ATRNL1: variants seen among roughly 807,000 people sequenced by gnomAD.
The protein encoded by ATRNL1 is attractin-like protein 1.
In ATRNL1, 95 loss-of-function variants were observed where a neutral mutation model predicts 182.7. The ratio of observed to expected loss-of-function variants is 0.52; its 90% CI spans 0.44 to 0.62. ATRNL1 has a LOEUF of 0.62. Ranked by LOEUF, ATRNL1 falls within the 20% of genes least tolerant of loss-of-function variation. The probability of loss-of-function intolerance (pLI) is 0.00; values close to 1 mark genes in which losing one functional copy is unlikely to be tolerated. For missense variants in ATRNL1, 1,471 were observed against 1,679.5 expected, an observed-to-expected ratio of 0.88 and a Z score of 2.17; for synonymous variants, 576 against 568.3, an observed-to-expected ratio of 1.01 and a Z score of -0.19.
chr10:115,827,338 A>T (rs1565414752), intron 27 of ATRNL1, among the ~76,000 whole-genome samples: 1 of 152,320 alleles, frequency 6.6e-6, no homozygotes, highest in East Asian at 1.9e-4. Context: ...CAGTCATAAC[A>T]TTGGCTTGTG....
chr10:115,232,012 C>T (rs1423654819), intron 9 of ATRNL1, among the ~76,000 whole-genome samples: 2 of 152,158 alleles, frequency 1.3e-5, no homozygotes, highest in Non-Finnish European at 2.9e-5. Flanking sequence ...TTTATATTTT[C>T]TGCCTTACTG....
chr10:115,931,138 GA>G (rs1419427428), intron 28 of ATRNL1, among the ~76,000 whole-genome samples: 1 of 152,176 alleles, frequency 6.6e-6, no homozygotes, highest in East Asian at 1.9e-4. Context: ...GTCTTTTCAA[GA>G]TTTGCTTTTA....
chr10:115,558,630 G>C (rs1283593680), intron 26 of ATRNL1, among the ~76,000 whole-genome samples: 3 of 151,988 alleles, frequency 2.0e-5, no homozygotes, highest in Non-Finnish European at 4.4e-5. Flanking sequence ...CAGGTTCCCT[G>C]CCCCCAAACC....
At chr10:115,830,335 T>C (rs1950532200) in intron 27 of ATRNL1, among the ~76,000 whole-genome samples, 1 of 152,194 alleles carries the variant, frequency 6.6e-6, no homozygotes, top group African/African-American at 2.4e-5. Flanking sequence ...ATGCATCTCT[T>C]CAGTAGAAAT....
intron 27 of ATRNL1, among the ~76,000 whole-genome samples, chr10:115,841,178 TATATA>T (rs1487631592): frequency 6.6e-6 from 1 of 152,084 alleles, no homozygotes. Flanking sequence ...AAAGCATGAT[TATATA>T]ATAGCTCAAG....
At chr10:115,908,790 A>T (rs1952579922) in intron 28 of ATRNL1, among the ~76,000 whole-genome samples, 1 of 152,126 alleles carries the variant, frequency 6.6e-6, no homozygotes, top group Non-Finnish European at 1.5e-5. Flanking sequence ...CTGGTTCCCT[A>T]ATGCACCTTA....
At chr10:115,446,238 T>G (rs1846980186) in intron 21 of ATRNL1, among the ~76,000 whole-genome samples, 1 of 152,080 alleles carries the variant, frequency 6.6e-6, no homozygotes, top group South Asian at 2.1e-4. Flanking sequence ...GATTTTCATC[T>G]CTATTTCTAT....
At chr10:115,145,422 C>T (rs956381735) in intron 5 of ATRNL1, among the ~76,000 whole-genome samples, 3 of 151,530 alleles carry the variant, frequency 2.0e-5, no homozygotes, top group East Asian at 1.9e-4. Context: ...CATCATTGAC[C>T]GAAACTGTAA....
chr10:115,352,171 A>G (rs1204118571), intron 19 of ATRNL1, among the ~76,000 whole-genome samples: 4 of 151,520 alleles, frequency 2.6e-5, no homozygotes, highest in Non-Finnish European at 5.9e-5. Flanking sequence ...TCTTTTTTTC[A>G]TTTCTTAATT....
chr10:115,434,360 T>G (rs951147792), intron 21 of ATRNL1, among the ~76,000 whole-genome samples: 2 of 152,170 alleles, frequency 1.3e-5, no homozygotes, highest in African/African-American at 4.8e-5. Flanking sequence ...TATTAGCTTA[T>G]GTAATACTCA....
Position 115,618,032 on chromosome 10 carries a change from C to G in ATRNL1, c.3795+68496C>G, listed in dbSNP as rs11197355. On this transcript the variant is annotated intron_variant, in intron 26 of 28. Transcript: ENST00000355044. ...AGTGTGTAGCACCTCCCCCATCTCTCTTTCTCCTGTTTTGGCTTTGTAAAG... is the reference window on the plus strand; with the variant it reads ...AGTGTGTAGCACCTCCCCCATCTCTGTTTCTCCTGTTTTGGCTTTGTAAAG... Among the ~76,000 whole-genome samples the G allele has an allele frequency of 9.6e-3, 1,463 of 152,030 alleles. 24 individuals carry two copies. Among genetic ancestry groups the G allele is most frequent in the African/African-American group, 0.033 (1,380 of 41,532 alleles).
intron 26 of ATRNL1, among the ~76,000 whole-genome samples, chr10:115,721,390 A>G (rs1947419528): frequency 6.6e-6 from 1 of 152,202 alleles, no homozygotes; most frequent in African/African-American, 2.4e-5. Context: ...ATACATATAT[A>G]TAAGCTTATT....
chr10:115,149,371 G>GT lies in ATRNL1; in HGVS notation c.830-10660dup, dbSNP rs1445755465. Among the ~76,000 whole-genome samples the GT allele has an allele frequency of 1.7e-3, 249 of 150,678 alleles. 1 individual carries two copies. Among genetic ancestry groups the GT allele is most frequent in the African/African-American group, 5.6e-3 (229 of 41,102 alleles). On this transcript the variant is annotated intron_variant, in intron 5 of 28. Coordinates refer to ENST00000355044, the MANE Select transcript of ATRNL1 (RefSeq NM_207303.4). ...TTAGAAAAGAAATGATTTTGGGGCT[G>GT]TTTTTTTTTAAAAGGAAATTCCACT...
intron 25 of ATRNL1, among the ~76,000 whole-genome samples, chr10:115,521,462 C>A (rs1334851093): frequency 1.3e-5 from 2 of 152,060 alleles, no homozygotes; most frequent in African/African-American, 4.8e-5. Context: ...CTAAAAAAAA[C>A]TTTTTGATGC....
At chr10:115,663,064 T>C (rs1280972312) in intron 26 of ATRNL1, among the ~76,000 whole-genome samples, 1 of 152,136 alleles carries the variant, frequency 6.6e-6, no homozygotes, top group South Asian at 2.1e-4. Flanking sequence ...AATTAAAATT[T>C]AGTGTAATTT....
At chr10:115,810,930 T>A (rs946524963) in intron 27 of ATRNL1, among the ~76,000 whole-genome samples, 11 of 151,934 alleles carry the variant, frequency 7.2e-5, no homozygotes, top group Non-Finnish European at 1.5e-5. Context: ...TGATATTGTC[T>A]GAGAAATAGC....
intron 27 of ATRNL1, among the ~76,000 whole-genome samples, chr10:115,742,827 T>G (rs1368752718): frequency 1.3e-5 from 2 of 152,090 alleles, no homozygotes; most frequent in Non-Finnish European, 2.9e-5. Context: ...TGCTCAGAAT[T>G]CCCCAATGGC....
At chr10:115,727,066 G>A (rs1454801596) in intron 26 of ATRNL1, among the ~76,000 whole-genome samples, 182 bp from the exon 27 acceptor site, 1 of 151,946 alleles carries the variant, frequency 6.6e-6, no homozygotes, top group African/African-American at 2.4e-5. Flanking sequence ...AAGCTTCTGT[G>A]GACATACAGC....
intron 9 of ATRNL1, among the ~76,000 whole-genome samples, chr10:115,223,229 T>C (rs115524271): frequency 0.012 from 1,785 of 152,226 alleles, 34 homozygotes; most frequent in African/African-American, 0.04. Context: ...TGCAATGAGC[T>C]GAGATCGCAT....
Sources: allele counts gnomAD v4.1 joint callset (sites outside exome capture counted in the v4.1 genomes callset), GRCh38; gene constraint gnomAD v4.1.1; transcripts MANE v1.5; gene names NCBI Gene and HGNC (gene_info 2026-07-23, HGNC 2026-07-21).